The following NTM variants were observed in gnomAD, a reference collection of about 807,000 sequenced individuals.
NTM encodes IgLON family member 2.
In NTM, 13 loss-of-function variants were observed where a neutral mutation model predicts 42.1. That is an observed-to-expected ratio of 0.31 (90% CI 0.20 to 0.49). The LOEUF (loss-of-function observed/expected upper bound fraction) is 0.49. NTM is among the 20% of genes least tolerant of loss of function. The pLI is 0.99. For missense variants in NTM, 373 were observed against 452.8 expected, an observed-to-expected ratio of 0.82 and a Z score of 1.60; for synonymous variants, 187 against 179.2, an observed-to-expected ratio of 1.04 and a Z score of -0.35.
At chr11:132,207,715 A>G (rs1310211622) in intron 3 of NTM, among the ~76,000 whole-genome samples, 1 of 152,140 alleles carries the variant, frequency 6.6e-6, no homozygotes, top group African/African-American at 2.4e-5. Context: ...TGCTTGCCTT[A>G]TGTTGTCTCC....
chr11:131,473,496 G>A (rs1035515840), intron 1 of NTM, among the ~76,000 whole-genome samples: 6 of 152,134 alleles, frequency 3.9e-5, no homozygotes, highest in East Asian at 1.9e-4. Flanking sequence ...AATACCACAC[G>A]TAAAGATAGC....
At chr11:132,119,513 T>C (rs2136904353) in intron 2 of NTM, among the ~76,000 whole-genome samples, 1 of 152,232 alleles carries the variant, frequency 6.6e-6, no homozygotes, top group African/African-American at 2.4e-5. Flanking sequence ...GATGATATGG[T>C]CTGTGAAGTC....
chr11:131,867,068 C>A (rs559953808), intron 1 of NTM, among the ~76,000 whole-genome samples: 1 of 152,088 alleles, frequency 6.6e-6, no homozygotes, highest in Non-Finnish European at 1.5e-5. Context: ...AGGGTGCAAT[C>A]GCAGGATCAA....
At chr11:131,736,732 GTGC>G (rs1278895901) in intron 1 of NTM, among the ~76,000 whole-genome samples, 5 of 152,300 alleles carry the variant, frequency 3.3e-5, no homozygotes, top group African/African-American at 1.2e-4. Context: ...GGTAAAAATA[GTGC>G]AGACATTTCC....
intron 1 of NTM, among the ~76,000 whole-genome samples, chr11:131,719,722 G>C (rs189006524): frequency 6.6e-6 from 1 of 152,182 alleles, no homozygotes; most frequent in Non-Finnish European, 1.5e-5. Flanking sequence ...TATTTTAAGC[G>C]TCCTGTTGTG....
intron 1 of NTM, among the ~76,000 whole-genome samples, chr11:131,477,372 C>T (rs1056312423): frequency 6.6e-6 from 1 of 151,920 alleles, no homozygotes; most frequent in Non-Finnish European, 1.5e-5. Context: ...CAAGTCTTGT[C>T]CATTCTCTTC....
chr11:131,960,075 G>T (rs1289297369), intron 2 of NTM, among the ~76,000 whole-genome samples: 1 of 152,156 alleles, frequency 6.6e-6, no homozygotes, highest in Non-Finnish European at 1.5e-5. Flanking sequence ...TCCTTCCAGG[G>T]CAAGGGTGTT....
intron 4 of NTM, among the ~76,000 whole-genome samples, chr11:132,217,033 T>G (rs914616052): frequency 2.0e-5 from 3 of 152,214 alleles, no homozygotes; most frequent in African/African-American, 7.2e-5. Context: ...ACTTGGACAG[T>G]GGGTCATCCA....
In NTM at chr11:132,002,609, T is replaced by A. The variant is rs142453118; in HGVS notation, c.167+90961T>A. ...CTTGAATAACTTTCTGCCTCTAGTA[T>A]CCCCAAACTTATGTTTTGTTTTTTC... On this transcript the variant is annotated intron_variant, in intron 2 of 8. Transcript: ENST00000683400. This position sits in a 1 kb window ranked among gnomAD's most constrained non-coding sequence, Gnocchi z 4.5. Among the ~76,000 whole-genome samples the A allele has an allele frequency of 1.3e-5, 2 of 152,332 alleles. No individual in the cohort carries two copies. The highest frequency in any genetic ancestry group is 2.9e-5 in the Non-Finnish European group (2 of 68,032).
intron 1 of NTM, among the ~76,000 whole-genome samples, chr11:131,682,018 GTC>G (rs2073033434): frequency 6.6e-6 from 1 of 152,120 alleles, no homozygotes; most frequent in African/African-American, 2.4e-5. Context: ...CTCAAGTGCT[GTC>G]TCTGGAAAAA....
chr11:131,415,093 G>A (rs1565478406), intron 1 of NTM, among the ~76,000 whole-genome samples: 1 of 152,192 alleles, frequency 6.6e-6, no homozygotes, highest in African/African-American at 2.4e-5. Flanking sequence ...CCAATAGCAG[G>A]CCATCTGGAG....
At chr11:132,124,669 C>A (rs1014832508) in intron 2 of NTM, among the ~76,000 whole-genome samples, 2 of 152,174 alleles carry the variant, frequency 1.3e-5, no homozygotes, top group Non-Finnish European at 2.9e-5. Context: ...TTATAAAGTA[C>A]AGGCATTTAT....
intron 1 of NTM, among the ~76,000 whole-genome samples, chr11:131,862,291 A>G (rs2046721877): frequency 6.6e-6 from 1 of 152,174 alleles, no homozygotes; most frequent in African/African-American, 2.4e-5. Flanking sequence ...AGCCCGACTT[A>G]AAGAAGTAAT....
At chr11:131,782,486 C>T (rs971067513) in intron 1 of NTM, among the ~76,000 whole-genome samples, 1 of 151,826 alleles carries the variant, frequency 6.6e-6, no homozygotes, top group African/African-American at 2.4e-5. Context: ...AAAAGAAACA[C>T]TTCTTAGTTT....
chr11:131,717,601 T>C (rs765267730), intron 1 of NTM, among the ~76,000 whole-genome samples: 11 of 152,232 alleles, frequency 7.2e-5, no homozygotes, highest in Non-Finnish European at 1.3e-4. Flanking sequence ...TACTCTTGTT[T>C]GTTCTAGTAG....
chr11:131,391,991 C>T (rs1026213014), intron 1 of NTM, among the ~76,000 whole-genome samples: 4 of 152,194 alleles, frequency 2.6e-5, no homozygotes, highest in Non-Finnish European at 5.9e-5. Flanking sequence ...GCATATGAGG[C>T]ACTGTAGCTG....
intron 1 of NTM, among the ~76,000 whole-genome samples, chr11:131,616,936 T>G (rs2062001307): frequency 6.6e-6 from 1 of 152,128 alleles, no homozygotes; most frequent in African/African-American, 2.4e-5. Context: ...AAATTGACCT[T>G]GAAATAAGTT....
chr11:132,070,279 A>T (rs188367557), intron 2 of NTM, among the ~76,000 whole-genome samples: 1,655 of 142,526 alleles, frequency 0.012, 151 homozygotes, highest in African/African-American at 0.042. Context: ...AGGTTAGTTA[A>T]CGTGTCACAC....
At chr11:131,722,399 G>A (rs544515968) in intron 1 of NTM, among the ~76,000 whole-genome samples, 1 of 152,206 alleles carries the variant, frequency 6.6e-6, no homozygotes, top group Non-Finnish European at 1.5e-5. Flanking sequence ...AACTTTTGGT[G>A]AGACTGCTTT....
Sources: allele counts gnomAD v4.1 joint callset (sites outside exome capture counted in the v4.1 genomes callset), GRCh38; gene constraint gnomAD v4.1.1; non-coding constraint Gnocchi (gnomAD v3.1); transcripts MANE v1.5; gene names NCBI Gene and HGNC (gene_info 2026-07-23, HGNC 2026-07-21).